Variants in CCDC74A observed in about 807,000 individuals in gnomAD.
CCDC74A encodes coiled-coil domain containing 74A, also known as coiled-coil domain-containing protein 74A.
In CCDC74A, 38 loss-of-function variants were observed where a neutral mutation model predicts 37.6. The observed-to-expected ratio is 1.01, with a 90% CI of 0.78 to 1.33. CCDC74A has a LOEUF of 1.33. Among genes scored for constraint, CCDC74A ranks in the 40% most tolerant of loss-of-function variants. The probability of loss-of-function intolerance (pLI) is 0.00; values close to 1 mark genes in which losing one functional copy is unlikely to be tolerated. For synonymous variants in CCDC74A, 134 were observed against 165.2 expected (o/e 0.81, Z 1.45); for missense variants, 340 against 403.4 (o/e 0.84, Z 1.35).
Position 131,533,261 on chromosome 2 carries a change from C to T in CCDC74A, c.810-8C>T, listed in dbSNP as rs372963884. On this transcript the variant is annotated splice_region_variant and splice_polypyrimidine_tract_variant and intron_variant, in intron 7 of 7. Coordinates refer to ENST00000409856, the MANE Select transcript of CCDC74A (RefSeq NM_001258306.3). ...TGCTCACGGTGACAGTCCCTCTACCCGCCCCAGCCTGAGCCCACCTGTGGC... is the reference window on the plus strand; with the variant it reads ...TGCTCACGGTGACAGTCCCTCTACCTGCCCCAGCCTGAGCCCACCTGTGGC... 30 of 1,612,446 alleles carry T rather than the reference C, an allele frequency of 1.9e-5. No homozygotes were observed. In the African/African-American group the frequency reaches 1.9e-4, roughly 10 times the overall value.
chr2:131,530,239 C>T, intron 2 of CCDC74A: 1 of 1,547,026 alleles, frequency 6.5e-7, no homozygotes, highest in Non-Finnish European at 8.7e-7. Context: ...CCACCCAGCC[C>T]AGGATCCTGG....
chr2:131,526,033 C>G (rs1442453227), upstream of CCDC74A, among the ~76,000 whole-genome samples: 2 of 151,922 alleles, frequency 1.3e-5, no homozygotes, highest in African/African-American at 2.4e-5. Flanking sequence ...CCAGGCTGGT[C>G]TTGAACTCCT....
In CCDC74A at chr2:131,532,853, C is replaced by G. The variant is rs1332862587; in HGVS notation, c.679-11C>G. ...CACAGGCCCCACCATGCCCCTGCCC[C>G]TGCCTTTCAGCTGCGGCACCTCAAG... On this transcript the variant is annotated splice_polypyrimidine_tract_variant and intron_variant, in intron 5 of 7. Transcript: ENST00000409856. 3.1e-6 allele frequency: 5 copies of G among 1,613,206 alleles called. No individual in the cohort carries two copies.
rs1315625177 is a variant in CCDC74A, at chr2:131,528,237, C to A, written c.250+17C>A. The A allele has an allele frequency of 1.2e-6, 2 of 1,610,188 alleles. No homozygotes were observed. The highest frequency in any genetic ancestry group is 2.2e-5 in the East Asian group (1 of 44,728). On this transcript the variant is annotated intron_variant, in intron 1 of 7. Transcript: ENST00000409856. ...AAAACAAGGGTGAGCCGGCGCGGGG[C>A]CCTAGGCCGGCCCTGCCTCCCCAGG...
upstream of CCDC74A, among the ~76,000 whole-genome samples, chr2:131,523,779 G>A (rs11901837): frequency 1.1e-3 from 165 of 152,234 alleles, no homozygotes; most frequent in African/African-American, 3.8e-3. Context: ...ACAAAGTAGT[G>A]GAGTATGACC....
intron 2 of CCDC74A, chr2:131,530,543 G>A (rs1681070890): frequency 1.3e-6 from 2 of 1,590,118 alleles, no homozygotes; most frequent in Non-Finnish European, 1.7e-6. Flanking sequence ...CTCGGGACCT[G>A]CTGTTCCATG....
At chr2:131,529,370 A>T (rs1026243399) in intron 1 of CCDC74A, 1 of 609,406 alleles carries the variant, frequency 1.6e-6, no homozygotes, top group Admixed American at 2.8e-5. Flanking sequence ...CCTAAAGCCC[A>T]GGCCCTGCCT....
chr2:131,531,009 G>A (rs530217798), intron 3 of CCDC74A, among the ~76,000 whole-genome samples, 182 bp downstream of exon 3: 7 of 152,116 alleles, frequency 4.6e-5, no homozygotes, highest in Admixed American at 3.3e-4. Flanking sequence ...TTAAGGGGGG[G>A]TGGGCAGGAC....
intron 2 of CCDC74A, chr2:131,530,298 A>C: frequency 2.6e-6 from 4 of 1,542,720 alleles, no homozygotes; most frequent in Non-Finnish European, 3.5e-6. Context: ...TGGGGCTGAC[A>C]TCAGGAGGAC....
At position 131,533,267 on chromosome 2, in the gene CCDC74A, A is replaced by G; in HGVS notation, c.810-2A>G. ...CGGTGACAGTCCCTCTACCCGCCCC[A>G]GCCTGAGCCCACCTGTGGCGGAGCG... is the stretch of plus-strand genomic sequence containing the variant. On this transcript the variant is annotated splice_acceptor_variant, in intron 7 of 7. Coordinates refer to ENST00000409856, the MANE Select transcript of CCDC74A (RefSeq NM_001258306.3). LOFTEE classifies it high-confidence loss of function. 6.2e-7 allele frequency: 1 copy of G among 1,612,816 alleles called. No individual in the cohort carries two copies. Among genetic ancestry groups the G allele is most frequent in the Non-Finnish European group, 8.5e-7 (1 of 1,179,846 alleles).
upstream of CCDC74A, among the ~76,000 whole-genome samples, chr2:131,526,522 C>T (rs962507875): frequency 4.6e-5 from 7 of 152,154 alleles, no homozygotes; most frequent in Admixed American, 4.6e-4. Flanking sequence ...CTCATGTTGT[C>T]CACTTTTTCC....
At chr2:131,529,563 A>C (rs767791559) in intron 1 of CCDC74A, 84 bp from the exon 2 acceptor site, 11 of 1,588,018 alleles carry the variant, frequency 6.9e-6, no homozygotes, top group Non-Finnish European at 8.6e-6. Flanking sequence ...TGGGCTCAGC[A>C]GCCAGGAGAG....
intron 2 of CCDC74A, 33 bp from the exon 3 acceptor site, chr2:131,530,744 G>T (rs1427186437): frequency 1.2e-6 from 2 of 1,613,008 alleles, no homozygotes; most frequent in African/African-American, 2.7e-5. Flanking sequence ...CGTCTTGCGG[G>T]CGGTAGCGCC....
rs781183768 is a variant in CCDC74A, at chr2:131,530,224, G to A, written c.295+533G>A. On this transcript the variant is annotated intron_variant, in intron 2 of 7. Transcript: ENST00000409856. ...CAAGGCACTTCCCCATCCTGACAGC[G>A]GCCCCCACCCAGCCCAGGATCCTGG... 703 of 1,547,588 alleles carry A rather than the reference G, an allele frequency of 4.5e-4. 1 individual carries two copies. The highest frequency in any genetic ancestry group is 5.5e-4 in the Non-Finnish European group (634 of 1,146,674).
upstream of CCDC74A, among the ~76,000 whole-genome samples, chr2:131,522,762 A>G (rs780728972): frequency 1.3e-5 from 2 of 152,234 alleles, no homozygotes; most frequent in East Asian, 3.9e-4. Flanking sequence ...TCAGATTCTG[A>G]TCATCTTGTG....
In CCDC74A at chr2:131,531,771, G is replaced by C. The variant is rs779579075; in HGVS notation, c.454G>C (p.Asp152His). The C allele has an allele frequency of 2.9e-5, 44 of 1,496,192 alleles. 9 individuals carry two copies. The highest frequency in any genetic ancestry group is 2.4e-4 in the South Asian group (20 of 82,604). 92.7% of individuals were successfully genotyped at this position (1,496,192 alleles called of 1,614,324 possible). Residue 152 changes from aspartate to histidine, a missense_variant, in exon 4 of 8, where the codon GAC becomes CAC. Transcript: ENST00000409856. ...EEPLLHNSKL[D>H]KVPGVQGQAR... ...GCCCCTACTTCACAACAGCAAGCTG[G>C]ACAAAGTTCCTGGGGTACAAGGGCA...
chr2:131,529,996 G>A (rs140791204), intron 2 of CCDC74A: 157,973 of 1,543,164 alleles, frequency 0.1, 8,774 homozygotes, highest in Middle Eastern at 0.12. Flanking sequence ...GAACCCCTGG[G>A]ACAGCCCCTG....
Position 131,529,627 on chromosome 2 carries a change from G to C in CCDC74A, c.251-20G>C, listed in dbSNP as rs1553509460. The stretch of plus-strand genomic sequence containing the variant: ...GCTGTGGTTTCACAAGTGCTGAGGA[G>C]AGCGTGTGCTTGCTTTCAGATCTCC... On this transcript the variant is annotated intron_variant, in intron 1 of 7. Coordinates refer to ENST00000409856, the MANE Select transcript of CCDC74A (RefSeq NM_001258306.3). The C allele has an allele frequency of 1.2e-6, 2 of 1,614,038 alleles. No homozygotes were observed. The highest frequency in any genetic ancestry group is 1.7e-6 in the Non-Finnish European group (2 of 1,179,876).
upstream of CCDC74A, among the ~76,000 whole-genome samples, chr2:131,525,866 C>T (rs1680288246): frequency 6.6e-6 from 1 of 151,632 alleles, no homozygotes; most frequent in Non-Finnish European, 1.5e-5. Flanking sequence ...CCACAGGCGC[C>T]CACCACCATG....
Sources: gnomAD v4.1 joint callset for allele counts (sites outside exome capture counted in the v4.1 genomes callset) on GRCh38, gnomAD v4.1.1 for gene constraint, MANE v1.5 for transcripts, NCBI Gene and HGNC (gene_info 2026-07-23, HGNC 2026-07-21) for gene names.